Variants in GRK1 observed in about 807,000 individuals in gnomAD.
The protein encoded by GRK1 is G protein-coupled receptor kinase 1.
A neutral mutation model predicts 41.7 loss-of-function variants in GRK1; 28 were observed. That is an observed-to-expected ratio of 0.67 (90% CI 0.50 to 0.92). The LOEUF is 0.92. Among genes scored for constraint, GRK1 ranks in the 40% least tolerant of loss-of-function variants. The pLI is 0.00. For synonymous variants in GRK1, 327 were observed against 286.7 expected, an observed-to-expected ratio of 1.14 and a Z score of -1.42; for missense variants, 703 against 671.2, an observed-to-expected ratio of 1.05 and a Z score of -0.52.
chr13:113,652,508 C>T, the GRK1 span, among the ~76,000 whole-genome samples: 30 of 152,242 alleles, frequency 2.0e-4, no homozygotes, highest in Non-Finnish European at 4.3e-4. Context: ...TTGGAAGCCT[C>T]TGCTTTAGAA....
At chr13:113,668,576 G>C (rs528607075) in intron 1 of GRK1, among the ~76,000 whole-genome samples, 5 of 152,388 alleles carry the variant, frequency 3.3e-5, no homozygotes, top group Admixed American at 2.6e-4. Flanking sequence ...GGCAGGAACT[G>C]TTCCCCTGAG....
chr13:113,728,618 G>A (rs988369340), intron 4 of GRK1, among the ~76,000 whole-genome samples: 7 of 152,174 alleles, frequency 4.6e-5, no homozygotes, highest in Admixed American at 1.3e-4. Context: ...AGCGGGGCCC[G>A]GAGGGTCTGT....
At chr13:113,735,014 G>A (rs973174364) in intron 6 of GRK1, 54 bp from the exon 7 acceptor site, 19 of 1,438,156 alleles carry the variant, frequency 1.3e-5, no homozygotes, top group Non-Finnish European at 1.6e-5. Flanking sequence ...TGGCTAAACG[G>A]CGCTTCCTTC....
At position 113,667,697 on chromosome 13, in the gene GRK1, C is replaced by T. The variant is rs1047946130; in HGVS notation, c.311C>T (p.Pro104Leu). Residue 104 changes from proline (P) to leucine (L), a missense_variant, in exon 1 of 7, where the codon CCA (proline) becomes CTA (leucine). Transcript: ENST00000335678. The surrounding 1 kb of genome is among the most constrained non-coding windows in gnomAD (Gnocchi z 7.5). ...GACACGGCAGACAATGACCTCCAGC[C>T]ACAGAAGGCCCAGACCATCCTGGCC... ...DYDTADNDLQ[P>L]QKAQTILAQY... 2 of 1,613,816 alleles carry T rather than the reference C, an allele frequency of 1.2e-6. No homozygotes were observed. The highest frequency in any genetic ancestry group is 1.7e-5 in the Admixed American group (1 of 60,032).
the GRK1 span, among the ~76,000 whole-genome samples, chr13:113,659,488 T>C: frequency 6.6e-6 from 1 of 152,242 alleles, no homozygotes; most frequent in African/African-American, 2.4e-5. Flanking sequence ...TTTAATTTTT[T>C]AGGATAATTT....
chr13:113,726,794 C>T (rs1041018094), intron 4 of GRK1, among the ~76,000 whole-genome samples: 2 of 152,200 alleles, frequency 1.3e-5, no homozygotes, highest in Non-Finnish European at 2.9e-5. Flanking sequence ...AGTTCCTCCC[C>T]GGAGTCTGGG....
chr13:113,733,956 ATACGTGTGTG>A (rs1352925062), intron 6 of GRK1, among the ~76,000 whole-genome samples: 3 of 111,458 alleles, frequency 2.7e-5, no homozygotes, highest in African/African-American at 1.1e-4. Context: ...GTGTGTGTGC[ATACGTGTGTG>A]TGCGTGTGTG....
At chr13:113,672,116 C>T (rs1566694787) in intron 3 of GRK1, among the ~76,000 whole-genome samples, 4 of 151,968 alleles carry the variant, frequency 2.6e-5, no homozygotes, top group Admixed American at 1.3e-4. Flanking sequence ...CTACACCCTG[C>T]GCCCTCCACC....
Position 113,667,407 on chromosome 13 carries a change from G to A in GRK1, c.21G>A (p.Glu7=), listed in dbSNP as rs1224541029. Residue 7 remains glutamate (E), a synonymous_variant, in exon 1 of 7, where the codon GAG becomes GAA. Transcript: ENST00000335678. The surrounding 1 kb of genome is among the most constrained non-coding windows in gnomAD (Gnocchi z 7.5). MDFGSL[E]TVVANSAFIA... is the part of the protein sequence containing the mutation. ...CCGGGATGGATTTCGGGTCTTTGGA[G>A]ACCGTGGTGGCCAACTCTGCCTTCA... is the stretch of plus-strand genomic sequence containing the variant. 1 of 1,587,940 alleles carries A rather than the reference G, an allele frequency of 6.3e-7. No homozygotes were observed. The highest frequency in any genetic ancestry group is 8.6e-7 in the Non-Finnish European group (1 of 1,166,250).
intron 4 of GRK1, among the ~76,000 whole-genome samples, chr13:113,723,872 GTC>G (rs1491134589): frequency 4.0e-5 from 6 of 150,868 alleles, no homozygotes; most frequent in Admixed American, 2.0e-4. Flanking sequence ...GCATGCCCGT[GTC>G]TGTGCACACA....
the GRK1 span, chr13:113,649,000 T>C: frequency 6.5e-6 from 1 of 154,188 alleles, no homozygotes; most frequent in Non-Finnish European, 1.4e-5. Context: ...TTTATATTAA[T>C]GTGGGGGGGG....
At chr13:113,661,592 A>G in the GRK1 span, among the ~76,000 whole-genome samples, 1 of 152,148 alleles carries the variant, frequency 6.6e-6, no homozygotes, top group Non-Finnish European at 1.5e-5. Flanking sequence ...GAAAATGTAA[A>G]TAAAATTAAT....
At chr13:113,724,975 C>A (rs1234711269) in intron 4 of GRK1, among the ~76,000 whole-genome samples, 2 of 152,246 alleles carry the variant, frequency 1.3e-5, no homozygotes, top group South Asian at 2.1e-4. Context: ...AGGGTGAGGG[C>A]CCGACTGGCC....
At chr13:113,664,312 C>T (rs894464201), upstream of GRK1, among the ~76,000 whole-genome samples, 4 of 152,078 alleles carry the variant, frequency 2.6e-5, no homozygotes, top group East Asian at 1.9e-4. The surrounding 1 kb of genome is among the most constrained non-coding windows in gnomAD (Gnocchi z 5.4). Flanking sequence ...CCAATATCCT[C>T]GCTACTTGGC....
At chr13:113,724,311 C>A (rs2049876548) in intron 4 of GRK1, among the ~76,000 whole-genome samples, 1 of 152,226 alleles carries the variant, frequency 6.6e-6, no homozygotes, top group East Asian at 1.9e-4. Context: ...AATTTGAGTT[C>A]TTCCTCTCTC....
chr13:113,736,027 G>C lies in GRK1; in HGVS notation c.*664G>C. ...CATGGTCCACATCTGCCAGGCGCAG[G>C]CTCTGTTGGGCTGTTGGGAGGAGGG... On this transcript the variant is annotated 3_prime_UTR_variant, in exon 7 of 7. Coordinates refer to ENST00000335678, the MANE Select transcript of GRK1 (RefSeq NM_002929.3). 6.6e-6 allele frequency: 1 copy of C among 152,384 alleles called. No individual in the cohort carries two copies. Among genetic ancestry groups the C allele is most frequent in the East Asian group, 1.9e-4 (1 of 5,196 alleles). The allele number at this position is 152,384 out of a possible 1,614,324, so 9.4% of individuals were successfully genotyped here.
At chr13:113,650,599 G>C in the GRK1 span, 18 of 909,420 alleles carry the variant, frequency 2.0e-5, no homozygotes, top group Middle Eastern at 5.8e-4. The surrounding 1 kb of genome is among the most constrained non-coding windows in gnomAD (Gnocchi z 5.0). Context: ...GCACACACGC[G>C]CTGTGTAGGT....
rs4076662 is a variant in GRK1 at position 113,735,024 on chromosome 13, C to G, written c.1397-44C>G. The G allele has an allele frequency of 3.2e-3, 4,656 of 1,448,520 alleles. 138 individuals are homozygous for G. The African/African-American group carries it at 0.059, about 18-fold the overall frequency. 89.7% of individuals were successfully genotyped at this position (1,448,520 alleles called of 1,614,324 possible). ...CTTTTTGGCTAAACGGCGCTTCCTT[C>G]CCACCACGAGGAGCCTGGCGTCTGT... On this transcript the variant is annotated intron_variant, in intron 6 of 6. Coordinates refer to ENST00000335678, the MANE Select transcript of GRK1 (RefSeq NM_002929.3).
chr13:113,659,588 C>T, the GRK1 span, among the ~76,000 whole-genome samples: 1 of 151,528 alleles, frequency 6.6e-6, no homozygotes, highest in Non-Finnish European at 1.5e-5. Context: ...TTTTTAATTT[C>T]TAATTTTTAT....
Sources: allele counts gnomAD v4.1 joint callset (sites outside exome capture counted in the v4.1 genomes callset), GRCh38; gene constraint gnomAD v4.1.1; non-coding constraint Gnocchi (gnomAD v3.1); transcripts MANE v1.5; gene names NCBI Gene and HGNC (gene_info 2026-07-23, HGNC 2026-07-21).